The following PCP4 variants were observed in gnomAD, a reference collection of about 807,000 sequenced individuals.
PCP4 encodes the protein Purkinje cell protein 4.
PCP4 carries 8 observed loss-of-function variants against 10.0 expected under a neutral mutation model. That is an observed-to-expected ratio of 0.80 (90% CI 0.47 to 1.45). PCP4 has a LOEUF of 1.45. Ranked by LOEUF, PCP4 falls within the 40% of genes most tolerant of loss-of-function variation. The probability of loss-of-function intolerance (pLI) is 0.00; values close to 1 mark genes in which losing one functional copy is unlikely to be tolerated. For synonymous variants in PCP4, 21 were observed against 23.0 expected, an observed-to-expected ratio of 0.91 and a Z score of 0.24; for missense variants, 54 against 74.4, an observed-to-expected ratio of 0.73 and a Z score of 1.01.
chr21:39,908,956 C>A (rs1303337931), intron 2 of PCP4, among the ~76,000 whole-genome samples: 1 of 152,132 alleles, frequency 6.6e-6, no homozygotes, highest in Non-Finnish European at 1.5e-5. Flanking sequence ...TGAGAAATGA[C>A]CATCTCCTTA....
intron 1 of PCP4, among the ~76,000 whole-genome samples, chr21:39,881,910 C>T (rs989486714): frequency 5.9e-5 from 9 of 152,150 alleles, no homozygotes; most frequent in African/African-American, 1.9e-4. Context: ...AATTCCATTC[C>T]CTGACCCCCT....
intron 2 of PCP4, among the ~76,000 whole-genome samples, chr21:39,905,027 A>G (rs776585383): frequency 1.7e-4 from 26 of 152,218 alleles, no homozygotes; most frequent in African/African-American, 6.3e-4. Context: ...AAGGTGTGCA[A>G]CATATCCCAG....
At position 39,902,825 on chromosome 21, in the gene PCP4, T is replaced by C. The variant is rs188431210; in HGVS notation, c.61+4298T>C. 1.4e-3 allele frequency among the ~76,000 whole-genome samples: 210 copies of C among 152,352 alleles called. 1 individual carries two copies. Among genetic ancestry groups the C allele is most frequent in the African/African-American group, 4.9e-3 (204 of 41,574 alleles). The stretch of plus-strand genomic sequence containing the variant: ...CAAAGCACCTTCATCATTTGATTAG[T>C]TAAGCCACAGATTTCATTTGTTTCT... On this transcript the variant is annotated intron_variant, in intron 2 of 2. Transcript: ENST00000328619.
intron 1 of PCP4, among the ~76,000 whole-genome samples, chr21:39,896,233 C>T (rs768817260): frequency 6.6e-6 from 1 of 152,212 alleles, no homozygotes; most frequent in Non-Finnish European, 1.5e-5. Flanking sequence ...ACCTATTTTG[C>T]ACTTGCCTTC....
chr21:39,887,930 C>T lies in PCP4; in HGVS notation c.10-10546C>T, dbSNP rs542245416. 1.6e-3 allele frequency among the ~76,000 whole-genome samples: 236 copies of T among 152,214 alleles called. 1 individual carries two copies. Among genetic ancestry groups the T allele is most frequent in the African/African-American group, 5.2e-3 (217 of 41,540 alleles). ...TCTGCTGTGTGGGGTATTAATTGTG[C>T]GAGGAATATGCAATATCTGAAACTT... On this transcript the variant is annotated intron_variant, in intron 1 of 2. Coordinates refer to ENST00000328619, the MANE Select transcript of PCP4 (RefSeq NM_006198.3).
chr21:39,881,990 C>T (rs1194031980), intron 1 of PCP4, among the ~76,000 whole-genome samples: 1 of 152,186 alleles, frequency 6.6e-6, no homozygotes, highest in Non-Finnish European at 1.5e-5. Flanking sequence ...TCCATCCAGT[C>T]GGGATAAAGG....
At chr21:39,888,617 C>T (rs2087413295) in intron 1 of PCP4, among the ~76,000 whole-genome samples, 2 of 152,212 alleles carry the variant, frequency 1.3e-5, no homozygotes, top group Admixed American at 6.5e-5. Context: ...AGTTAGGGGA[C>T]TCCCCCGCTG....
chr21:39,913,194 T>C (rs2087549434), intron 2 of PCP4, among the ~76,000 whole-genome samples: 1 of 152,112 alleles, frequency 6.6e-6, no homozygotes, highest in African/African-American at 2.4e-5. Flanking sequence ...TTTAAAAAGG[T>C]ATTTCCAAGA....
chr21:39,927,404 A>G (rs2087630370), intron 2 of PCP4, among the ~76,000 whole-genome samples: 1 of 151,658 alleles, frequency 6.6e-6, no homozygotes, highest in African/African-American at 2.4e-5. Flanking sequence ...TCATCTATCT[A>G]GAGCAAGCAG....
chr21:39,905,396 G>GA (rs985905992), intron 2 of PCP4, among the ~76,000 whole-genome samples: 2 of 152,158 alleles, frequency 1.3e-5, no homozygotes, highest in Non-Finnish European at 2.9e-5. Flanking sequence ...TCCAGATGGG[G>GA]AAAAAATGAC....
At chr21:39,923,947 G>A (rs1406157424) in intron 2 of PCP4, among the ~76,000 whole-genome samples, 2 of 152,148 alleles carry the variant, frequency 1.3e-5, no homozygotes, top group African/African-American at 4.8e-5. Context: ...TGTATCGGTC[G>A]GCAGTGGGAA....
At chr21:39,927,844 C>T (rs1046350045) in intron 2 of PCP4, among the ~76,000 whole-genome samples, 1 of 152,050 alleles carries the variant, frequency 6.6e-6, no homozygotes, top group Non-Finnish European at 1.5e-5. Context: ...TCTGGCCTCC[C>T]CACAGGGACA....
intron 1 of PCP4, among the ~76,000 whole-genome samples, chr21:39,891,946 C>T (rs1292107268): frequency 2.0e-5 from 3 of 152,226 alleles, no homozygotes; most frequent in African/African-American, 4.8e-5. Flanking sequence ...ACCATTGAAG[C>T]ACAGCACCAC....
At chr21:39,913,360 A>T (rs2087550390) in intron 2 of PCP4, among the ~76,000 whole-genome samples, 1 of 152,224 alleles carries the variant, frequency 6.6e-6, no homozygotes, top group Non-Finnish European at 1.5e-5. Context: ...TTTAACTGTC[A>T]CAGGGCTGGC....
intron 1 of PCP4, among the ~76,000 whole-genome samples, chr21:39,890,586 C>G (rs1402492915): frequency 6.6e-6 from 1 of 151,590 alleles, no homozygotes; most frequent in Non-Finnish European, 1.5e-5. Flanking sequence ...CCAGGCTGGT[C>G]TCAAACTCCT....
intron 1 of PCP4, among the ~76,000 whole-genome samples, chr21:39,885,355 G>C (rs867413378): frequency 6.6e-6 from 1 of 152,208 alleles, no homozygotes; most frequent in East Asian, 1.9e-4. Flanking sequence ...GCCTAGCCGC[G>C]AGCCTGAGGC....
intron 1 of PCP4, among the ~76,000 whole-genome samples, chr21:39,871,163 T>C (rs1469700544): frequency 6.6e-6 from 1 of 152,138 alleles, no homozygotes; most frequent in South Asian, 2.1e-4. Context: ...GGTGAGGACA[T>C]AGAAAAAACA....
chr21:39,868,356 G>A (rs1726343251), intron 1 of PCP4, among the ~76,000 whole-genome samples: 1 of 152,126 alleles, frequency 6.6e-6, no homozygotes, highest in South Asian at 2.1e-4. Flanking sequence ...TTGACAGATG[G>A]ATGATTCTTT....
chr21:39,926,109 C>G (rs1568863402), intron 2 of PCP4: 2 of 455,968 alleles, frequency 4.4e-6, no homozygotes, highest in South Asian at 1.6e-5. Context: ...GCTCCTGCCA[C>G]TCCTCTAACA....
Sources: allele counts gnomAD v4.1 joint callset (sites outside exome capture counted in the v4.1 genomes callset), GRCh38; gene constraint gnomAD v4.1.1; transcripts MANE v1.5; gene names NCBI Gene and HGNC (gene_info 2026-07-23, HGNC 2026-07-21).